The following FANCC variants were observed in gnomAD, a reference collection of about 807,000 sequenced individuals.
The protein encoded by FANCC is Fanconi anemia group C protein.
A neutral mutation model predicts 71.3 loss-of-function variants in FANCC; 55 were observed. That is an observed-to-expected ratio of 0.77 (90% confidence interval 0.62 to 0.97). The LOEUF is 0.97. Among genes scored for constraint, FANCC ranks in the 50% least tolerant of loss-of-function variants. The pLI, the probability that FANCC is intolerant of heterozygous loss-of-function variation, is 0.00. For synonymous variants in FANCC, 275 were observed against 244.9 expected, an observed-to-expected ratio of 1.12 and a Z score of -1.15; for missense variants, 678 against 670.9, an observed-to-expected ratio of 1.01 and a Z score of -0.12.
At chr9:95,231,486 C>T (rs758379827) in intron 4 of FANCC, among the ~76,000 whole-genome samples, 40 of 152,108 alleles carry the variant, frequency 2.6e-4, no homozygotes, top group Non-Finnish European at 4.3e-4. Context: ...GAATGGCAGG[C>T]GGGAAGCACT....
intron 7 of FANCC, among the ~76,000 whole-genome samples, 173 bp downstream of exon 7, chr9:95,149,750 A>G (rs993632778): frequency 2.6e-5 from 4 of 152,082 alleles, no homozygotes; most frequent in Non-Finnish European, 5.9e-5. Context: ...AAGTGCTGGG[A>G]TTACAGGTGT....
intron 1 of FANCC, among the ~76,000 whole-genome samples, chr9:95,288,788 T>C (rs914344455): frequency 2.0e-5 from 3 of 152,122 alleles, no homozygotes; most frequent in African/African-American, 7.2e-5. Flanking sequence ...CACTGTTTCC[T>C]GTTTCCTTTA....
rs1216348860 is a variant in FANCC at position 95,240,703 on chromosome 9, T to C, written c.291A>G (p.Leu97=). 1.2e-6 allele frequency: 2 copies of C among 1,613,368 alleles called. No homozygotes were observed. Among genetic ancestry groups the C allele is most frequent in the East Asian group, 2.2e-5 (1 of 44,762 alleles). The part of the protein sequence containing the change: ...QKILIWCLCC[L]INKEPQNSGQ... ...CAGAATTCTGTGGTTCTTTGTTAATTAGACAACATAAGCACCATATTAGAA... is the reference window on the plus strand; with the variant it reads ...CAGAATTCTGTGGTTCTTTGTTAATCAGACAACATAAGCACCATATTAGAA... The change falls in exon 4 of 15, where the codon CTA becomes CTG. Residue 97 remains leucine (L), a synonymous_variant. Coordinates refer to ENST00000289081, the MANE Select transcript of FANCC (RefSeq NM_000136.3).
chr9:95,249,320 T>C lies in FANCC; in HGVS notation c.-29A>G, dbSNP rs4647414. The C allele has an allele frequency of 1.2e-6, 2 of 1,611,034 alleles. No individual in the cohort carries two copies. Among genetic ancestry groups the C allele is most frequent in the Non-Finnish European group, 8.5e-7 (1 of 1,177,756 alleles). On this transcript the variant is annotated 5_prime_UTR_variant, in exon 2 of 15. Transcript: ENST00000289081. ...GGAAAAAGCGAAAAGGTGATGTCCC[T>C]TCACAGCAGCCTGTCCAGCACTGAA...
chr9:95,310,681 C>A (rs1272420809), intron 1 of FANCC, among the ~76,000 whole-genome samples: 1 of 152,088 alleles, frequency 6.6e-6, no homozygotes, highest in African/African-American at 2.4e-5. Flanking sequence ...AAGTCCACCC[C>A]CAGGAGCTAG....
chr9:95,281,765 T>G (rs536756127), intron 1 of FANCC, among the ~76,000 whole-genome samples: 7 of 152,216 alleles, frequency 4.6e-5, no homozygotes, highest in African/African-American at 1.7e-4. Context: ...ATATAAATTT[T>G]GACACCAAAA....
At chr9:95,106,076 T>C (rs1454161360) in intron 14 of FANCC, among the ~76,000 whole-genome samples, 1 of 152,190 alleles carries the variant, frequency 6.6e-6, no homozygotes, top group African/African-American at 2.4e-5. Context: ...GACGTTAATG[T>C]CCCCACCGGG....
chr9:95,210,303 A>C (rs1484176299), intron 4 of FANCC, among the ~76,000 whole-genome samples: 2 of 152,184 alleles, frequency 1.3e-5, no homozygotes, highest in Non-Finnish European at 2.9e-5. Context: ...TTCTATTCCT[A>C]ACACTGGATG....
At chr9:95,291,965 A>AT (rs1554869910) in intron 1 of FANCC, among the ~76,000 whole-genome samples, 280 of 84,656 alleles carry the variant, frequency 3.3e-3, no homozygotes, top group African/African-American at 0.01. Context: ...AAAAAAAAAA[A>AT]AAATATATAT....
Position 95,149,827 on chromosome 9 carries a change from G to A in FANCC, c.686+96C>T, listed in dbSNP as rs150059595. 16 of 1,387,792 alleles carry A rather than the reference G, an allele frequency of 1.2e-5. 1 individual carries two copies. The highest frequency in any genetic ancestry group is 1.1e-4 in the African/African-American group (8 of 69,678). 86.0% of individuals were successfully genotyped at this position (1,387,792 alleles called of 1,614,324 possible). On this transcript the variant is annotated intron_variant, in intron 7 of 14. Transcript: ENST00000289081. ...GTATAAAGGGTACTGAGACAAAAAC[G>A]TTTGGACACTGCTGTCGTACAGTCT...
intron 1 of FANCC, among the ~76,000 whole-genome samples, chr9:95,307,460 A>G (rs1465136762): frequency 6.6e-6 from 1 of 152,258 alleles, no homozygotes. Flanking sequence ...CCTTTTCTAC[A>G]GATATGAAAC....
intron 4 of FANCC, among the ~76,000 whole-genome samples, chr9:95,178,575 AAC>A (rs1826154391): frequency 6.6e-6 from 1 of 152,214 alleles, no homozygotes; most frequent in Admixed American, 6.5e-5. Flanking sequence ...CCATTCGCAC[AAC>A]CAGGCTGACT....
At chr9:95,294,030 A>G in intron 1 of FANCC, 1 of 1,597,752 alleles carries the variant, frequency 6.3e-7, no homozygotes, top group East Asian at 2.2e-5. Flanking sequence ...AATGTGCACC[A>G]ATTATAAACT....
chr9:95,270,084 G>A (rs143724210), intron 1 of FANCC, among the ~76,000 whole-genome samples: 242 of 152,252 alleles, frequency 1.6e-3, no homozygotes, highest in African/African-American at 5.5e-3. Flanking sequence ...GAATCTCAAG[G>A]CAGAAGAATT....
At chr9:95,189,297 T>C (rs946287722) in intron 4 of FANCC, among the ~76,000 whole-genome samples, 1 of 152,140 alleles carries the variant, frequency 6.6e-6, no homozygotes, top group Non-Finnish European at 1.5e-5. Context: ...CTTTTTACTA[T>C]GAAATAAACA....
chr9:95,163,764 G>A lies in FANCC; in HGVS notation c.521+7315C>T, dbSNP rs1312644781. Among the ~76,000 whole-genome samples the A allele has an allele frequency of 2.0e-5, 3 of 152,326 alleles. No individual in the cohort carries two copies. The East Asian group carries it at 5.8e-4, about 29-fold the overall frequency. ...CTCGGGAGGCTGAGGCAGGAGAATC[G>A]CTTGAATCCAGGAGGAGGAGGTTAA... On this transcript the variant is annotated intron_variant, in intron 6 of 14. Transcript: ENST00000289081.
chr9:95,239,908 T>A (rs1830535035), intron 4 of FANCC, among the ~76,000 whole-genome samples: 1 of 152,182 alleles, frequency 6.6e-6, no homozygotes. Flanking sequence ...ACCACAAGCA[T>A]ACTAAGTGGA....
intron 1 of FANCC, among the ~76,000 whole-genome samples, chr9:95,250,807 G>A (rs1218523990): frequency 6.6e-6 from 1 of 152,242 alleles, no homozygotes; most frequent in Non-Finnish European, 1.5e-5. Context: ...CTGCCAGGCT[G>A]GGCCTGCCCG....
At chr9:95,109,510 C>T (rs781211505) in intron 13 of FANCC, 5 of 151,610 alleles carry the variant, frequency 3.3e-5, no homozygotes, top group Non-Finnish European at 5.9e-5. Flanking sequence ...GGTATCTAAA[C>T]GACTTTTTTT....
Sources: allele counts gnomAD v4.1 joint callset (sites outside exome capture counted in the v4.1 genomes callset), GRCh38; gene constraint gnomAD v4.1.1; transcripts MANE v1.5; gene names NCBI Gene and HGNC (gene_info 2026-07-23, HGNC 2026-07-21).